Variants in TMEM117 observed in about 807,000 individuals in gnomAD.
The protein encoded by TMEM117 is transmembrane protein 117.
Under a neutral mutation model 52.4 loss-of-function variants are expected in TMEM117, and 27 were observed. That is an observed-to-expected ratio of 0.51 (90% CI 0.38 to 0.71). TMEM117 has a LOEUF of 0.71. Ranked by LOEUF, TMEM117 falls within the 30% of genes least tolerant of loss-of-function variation. The pLI, the probability that TMEM117 is intolerant of heterozygous loss-of-function variation, is 0.00. For synonymous variants in TMEM117, 215 were observed against 206.3 expected (o/e 1.04, Z -0.36); for missense variants, 556 against 630.5 (o/e 0.88, Z 1.26).
the TMEM117 span, among the ~76,000 whole-genome samples, chr12:43,808,566 T>G: frequency 6.6e-6 from 1 of 151,964 alleles, no homozygotes; most frequent in Non-Finnish European, 1.5e-5. Context: ...CACAAATGCT[T>G]ATGGGGTCAG....
At chr12:43,954,270 ATAGT>A (rs1268528251) in intron 3 of TMEM117, among the ~76,000 whole-genome samples, 1 of 152,190 alleles carries the variant, frequency 6.6e-6, no homozygotes, top group Non-Finnish European at 1.5e-5. Context: ...AACAAATCTC[ATAGT>A]TAGCAGAAGA....
At chr12:44,071,210 C>T (rs574597144) in intron 3 of TMEM117, among the ~76,000 whole-genome samples, 3 of 152,242 alleles carry the variant, frequency 2.0e-5, no homozygotes, top group Admixed American at 1.3e-4. Flanking sequence ...GCAGAACAGC[C>T]GCGCTCGTGC....
chr12:43,897,513 A>G (rs1021044512), intron 2 of TMEM117, among the ~76,000 whole-genome samples: 8 of 151,680 alleles, frequency 5.3e-5, no homozygotes, highest in Non-Finnish European at 7.4e-5. Context: ...GGGTTTCACC[A>G]TGTTGGCCAG....
At chr12:44,037,008 C>T (rs1022303807) in intron 3 of TMEM117, among the ~76,000 whole-genome samples, 7 of 152,130 alleles carry the variant, frequency 4.6e-5, no homozygotes, top group South Asian at 2.1e-4. Context: ...CTGGAGTGAC[C>T]GCTGCAAACA....
the TMEM117 span, chr12:43,797,370 T>C: frequency 1.9e-3 from 3,035 of 1,605,740 alleles, 2 homozygotes; most frequent in Non-Finnish European, 2.5e-3. Context: ...AGCTGAATCC[T>C]TGGGAATCCT....
At chr12:44,005,795 G>A (rs1156303663) in intron 3 of TMEM117, among the ~76,000 whole-genome samples, 3 of 152,092 alleles carry the variant, frequency 2.0e-5, no homozygotes, top group Non-Finnish European at 2.9e-5. Context: ...TAATGGGGGC[G>A]GGTCTTTACC....
the TMEM117 span, chr12:43,802,494 T>A: frequency 6.5e-7 from 1 of 1,545,900 alleles, no homozygotes; most frequent in Non-Finnish European, 8.9e-7. Context: ...GAAAGATAGG[T>A]AAATGGTTTG....
chr12:44,288,254 T>A (rs1288719863), intron 5 of TMEM117, among the ~76,000 whole-genome samples: 1 of 152,210 alleles, frequency 6.6e-6, no homozygotes, highest in Non-Finnish European at 1.5e-5. Flanking sequence ...CTCCCTCTTT[T>A]CTGTTTTCCA....
chr12:44,294,409 C>T (rs1950742464), intron 5 of TMEM117, among the ~76,000 whole-genome samples: 1 of 152,148 alleles, frequency 6.6e-6, no homozygotes. Context: ...ATGCCTTTTC[C>T]ATCTTTGCTT....
chr12:43,925,649 C>T (rs539110534), intron 2 of TMEM117, among the ~76,000 whole-genome samples: 12 of 152,222 alleles, frequency 7.9e-5, no homozygotes, highest in African/African-American at 2.2e-4. Context: ...AGGTGAATTA[C>T]GTGAAATCCT....
intron 5 of TMEM117, among the ~76,000 whole-genome samples, chr12:44,282,436 G>A (rs543551251): frequency 1.4e-4 from 21 of 152,150 alleles, no homozygotes; most frequent in Admixed American, 9.8e-4. Context: ...TGCTGATAGC[G>A]ATATGGACCA....
intron 3 of TMEM117, among the ~76,000 whole-genome samples, chr12:44,000,556 A>C (rs1195060715): frequency 6.6e-6 from 1 of 152,032 alleles, no homozygotes. Flanking sequence ...GGGAGCCCCA[A>C]CTTTCTCAGA....
intron 5 of TMEM117, among the ~76,000 whole-genome samples, chr12:44,276,882 T>G (rs1950518402): frequency 6.6e-6 from 1 of 150,532 alleles, no homozygotes; most frequent in African/African-American, 2.5e-5. Flanking sequence ...TTTAAATACA[T>G]GAAAAGTTTG....
chr12:43,868,105 C>CAG (rs139646183), intron 2 of TMEM117, among the ~76,000 whole-genome samples: 2 of 150,362 alleles, frequency 1.3e-5, no homozygotes, highest in African/African-American at 2.5e-5. Context: ...TATACACACA[C>CAG]ACACACAGAC....
intron 3 of TMEM117, among the ~76,000 whole-genome samples, chr12:44,077,777 G>T (rs990371872): frequency 5.3e-5 from 8 of 149,734 alleles, no homozygotes; most frequent in Non-Finnish European, 1.0e-4. Flanking sequence ...CATTCTTTTG[G>T]CATAGTCCTT....
In TMEM117 at chr12:44,154,740, T is replaced by C. The variant is rs1463370078; in HGVS notation, c.510+11116T>C. 2.6e-5 allele frequency among the ~76,000 whole-genome samples: 4 copies of C among 151,466 alleles called. No homozygotes were observed. The Admixed American group carries it at 2.6e-4, about 10-fold the overall frequency. ...AAAATTTAGCAAAGTGAACCAGTTT[T>C]CCCCCAAACAATATGCTATATATCT... On this transcript the variant is annotated intron_variant, in intron 4 of 7. Transcript: ENST00000266534.
intron 3 of TMEM117, among the ~76,000 whole-genome samples, chr12:44,095,264 A>T (rs1947738468): frequency 6.6e-6 from 1 of 152,122 alleles, no homozygotes; most frequent in South Asian, 2.1e-4. Context: ...TATTTGCTTT[A>T]TTAAGTTTAA....
intron 3 of TMEM117, among the ~76,000 whole-genome samples, chr12:43,994,576 C>T (rs1441530766): frequency 6.6e-6 from 1 of 151,858 alleles, no homozygotes; most frequent in Non-Finnish European, 1.5e-5. Context: ...TAGTAAAATC[C>T]AGGATTTTGT....
At chr12:43,911,847 A>G (rs1488123882) in intron 2 of TMEM117, among the ~76,000 whole-genome samples, 1 of 151,372 alleles carries the variant, frequency 6.6e-6, no homozygotes, top group East Asian at 1.9e-4. Flanking sequence ...TCAGGAAAGA[A>G]CAGGTGCTGG....
Sources: allele counts gnomAD v4.1 joint callset (sites outside exome capture counted in the v4.1 genomes callset), GRCh38; gene constraint gnomAD v4.1.1; transcripts MANE v1.5; gene names NCBI Gene and HGNC (gene_info 2026-07-23, HGNC 2026-07-21).